SLC25A48: variants seen among roughly 807,000 people sequenced by gnomAD.
The protein encoded by SLC25A48 is solute carrier family 25 member 48.
In SLC25A48, 29 loss-of-function variants were observed where a neutral mutation model predicts 32.2. That is an observed-to-expected ratio of 0.90 (90% CI 0.67 to 1.23). The LOEUF is 1.23. SLC25A48 is among the 50% of genes most tolerant of loss of function. The pLI, the probability that SLC25A48 is intolerant of heterozygous loss-of-function variation, is 0.00. For synonymous variants in SLC25A48, 164 were observed against 172.3 expected, an observed-to-expected ratio of 0.95 and a Z score of 0.38; for missense variants, 399 against 422.7, an observed-to-expected ratio of 0.94 and a Z score of 0.49.
chr5:135,881,802 T>C (rs1312439721), intron 7 of SLC25A48, among the ~76,000 whole-genome samples: 1 of 152,194 alleles, frequency 6.6e-6, no homozygotes, highest in Non-Finnish European at 1.5e-5. Context: ...TTCTTCCAAG[T>C]ATGTCTTATG....
At chr5:135,870,030 T>A (rs1352686453) in intron 4 of SLC25A48, among the ~76,000 whole-genome samples, 1 of 152,206 alleles carries the variant, frequency 6.6e-6, no homozygotes, top group East Asian at 1.9e-4. Context: ...AGATTACACT[T>A]TATTCTCCAA....
chr5:135,581,588 C>T (rs1417081561), intron 1 of SLC25A48, among the ~76,000 whole-genome samples: 1 of 152,242 alleles, frequency 6.6e-6, no homozygotes, highest in African/African-American at 2.4e-5. Flanking sequence ...TCTAACAACA[C>T]CAGCGATCGT....
intron 4 of SLC25A48, among the ~76,000 whole-genome samples, chr5:135,867,510 C>T (rs527996881): frequency 1.9e-4 from 29 of 152,128 alleles, no homozygotes; most frequent in African/African-American, 4.3e-4. Flanking sequence ...GGCAACCCCC[C>T]GGCTCTGCCA....
intron 1 of SLC25A48, among the ~76,000 whole-genome samples, chr5:135,602,543 T>A (rs1057492341): frequency 3.3e-5 from 5 of 152,220 alleles, no homozygotes; most frequent in Non-Finnish European, 7.3e-5. Context: ...TATTTTCTTA[T>A]TGCAAAGCAT....
chr5:135,616,615 A>G (rs992929490), intron 1 of SLC25A48, among the ~76,000 whole-genome samples: 2 of 152,188 alleles, frequency 1.3e-5, no homozygotes, highest in Admixed American at 1.3e-4. Flanking sequence ...TTTTGATTTT[A>G]CAGGCTCATA....
At chr5:135,875,318 A>G (rs879627507) in intron 6 of SLC25A48, 8 of 152,158 alleles carry the variant, frequency 5.3e-5, no homozygotes, top group African/African-American at 1.4e-4. Context: ...AGCTATTTCT[A>G]TACTGCCCCT....
At chr5:135,789,714 G>A (rs1756971341) in intron 3 of SLC25A48, among the ~76,000 whole-genome samples, 2 of 136,598 alleles carry the variant, frequency 1.5e-5, no homozygotes, top group Admixed American at 1.6e-4. Context: ...ACACCCTTCT[G>A]TGATATGGTT....
At chr5:135,857,458 T>A (rs1760420945) in intron 4 of SLC25A48, among the ~76,000 whole-genome samples, 1 of 152,214 alleles carries the variant, frequency 6.6e-6, no homozygotes, top group Non-Finnish European at 1.5e-5. Flanking sequence ...TAAGGTACTG[T>A]CCACCCATCA....
intron 1 of SLC25A48, among the ~76,000 whole-genome samples, chr5:135,602,191 C>G (rs1034695406): frequency 2.0e-5 from 3 of 152,160 alleles, no homozygotes; most frequent in African/African-American, 7.2e-5. Context: ...TGTTTGGATT[C>G]GTATATGCTT....
intron 1 of SLC25A48, among the ~76,000 whole-genome samples, chr5:135,586,050 C>T (rs151292119): frequency 1.3e-5 from 2 of 152,316 alleles, no homozygotes; most frequent in Non-Finnish European, 2.9e-5. Flanking sequence ...TTCATAACCA[C>T]ACAAAGTAGG....
At chr5:135,657,291 C>T (rs1354440964) in intron 3 of SLC25A48, among the ~76,000 whole-genome samples, 1 of 152,200 alleles carries the variant, frequency 6.6e-6, no homozygotes, top group Non-Finnish European at 1.5e-5. Flanking sequence ...TTTCAGTTTA[C>T]TCTTCTACTG....
chr5:135,830,124 C>T (rs2126669598), upstream of SLC25A48, among the ~76,000 whole-genome samples: 1 of 152,302 alleles, frequency 6.6e-6, no homozygotes, highest in East Asian at 1.9e-4. Context: ...CCCCTCTGAG[C>T]CTCCTGGGCC....
intron 3 of SLC25A48, among the ~76,000 whole-genome samples, chr5:135,694,087 CA>C (rs1400473077): frequency 3.9e-5 from 6 of 152,224 alleles, no homozygotes; most frequent in African/African-American, 1.4e-4. Context: ...TCTTCCTAGA[CA>C]GAATGTCTCA....
At chr5:135,606,062 C>A (rs1227738404) in intron 1 of SLC25A48, among the ~76,000 whole-genome samples, 2 of 152,148 alleles carry the variant, frequency 1.3e-5, no homozygotes, top group Admixed American at 6.5e-5. Flanking sequence ...AAAAATCTGG[C>A]CTTTCAGCAA....
At chr5:135,712,499 A>C (rs1754690644) in intron 3 of SLC25A48, among the ~76,000 whole-genome samples, 1 of 152,218 alleles carries the variant, frequency 6.6e-6, no homozygotes, top group Admixed American at 6.5e-5. Flanking sequence ...GACAAGAGAG[A>C]GGGCTTGAGG....
At chr5:135,713,081 G>A (rs748171733) in intron 3 of SLC25A48, among the ~76,000 whole-genome samples, 5 of 152,142 alleles carry the variant, frequency 3.3e-5, no homozygotes, top group Non-Finnish European at 7.4e-5. Flanking sequence ...ATTAACCTAA[G>A]AACTTGCTAT....
intron 1 of SLC25A48, among the ~76,000 whole-genome samples, chr5:135,600,566 T>C (rs968138072): frequency 1.3e-5 from 2 of 152,208 alleles, no homozygotes; most frequent in Non-Finnish European, 2.9e-5. Context: ...TTGTTCCTCC[T>C]GCTTGGAATG....
intron 3 of SLC25A48, among the ~76,000 whole-genome samples, chr5:135,787,376 T>C (rs1756874754): frequency 6.6e-6 from 1 of 152,160 alleles, no homozygotes; most frequent in South Asian, 2.1e-4. Flanking sequence ...CCACAGTCGA[T>C]TTACAACCTG....
At chr5:135,798,683 A>G (rs1472034480) in intron 3 of SLC25A48, among the ~76,000 whole-genome samples, 2 of 151,742 alleles carry the variant, frequency 1.3e-5, no homozygotes, top group East Asian at 3.9e-4. Flanking sequence ...ATTACTCCCT[A>G]AATCGCAGGG....
Sources: allele counts gnomAD v4.1 joint callset (sites outside exome capture counted in the v4.1 genomes callset), GRCh38; gene constraint gnomAD v4.1.1; transcripts MANE v1.5; gene names NCBI Gene and HGNC (gene_info 2026-07-23, HGNC 2026-07-21).